ACOT7: variants seen among roughly 807,000 people sequenced by gnomAD.
ACOT7 encodes the protein cytosolic acyl coenzyme A thioester hydrolase.
A neutral mutation model predicts 40.2 loss-of-function variants in ACOT7; 12 were observed. The observed-to-expected ratio is 0.30, with a 90% CI of 0.19 to 0.48. The LOEUF (loss-of-function observed/expected upper bound fraction) is 0.48, where lower values mean the gene tolerates loss of function less well. Among genes scored for constraint, ACOT7 ranks in the 20% least tolerant of loss-of-function variants. The probability of loss-of-function intolerance (pLI) is 0.99; values close to 1 mark genes in which losing one functional copy is unlikely to be tolerated. For synonymous variants in ACOT7, 228 were observed against 219.5 expected (o/e 1.04, Z -0.34); for missense variants, 395 against 530.8 (o/e 0.74, Z 2.51).
intron 6 of ACOT7, among the ~76,000 whole-genome samples, chr1:6,295,739 G>A (rs570500497): frequency 6.6e-6 from 1 of 152,274 alleles, no homozygotes; most frequent in South Asian, 2.1e-4. Flanking sequence ...GGGGACAGAG[G>A]GTAGATTAGG....
In ACOT7 at chr1:6,355,460, G is replaced by A. The variant is rs1333960884; in HGVS notation, c.144-5594C>T. 6.6e-6 allele frequency among the ~76,000 whole-genome samples: 1 copy of A among 152,148 alleles called. No homozygotes were observed. Among genetic ancestry groups the A allele is most frequent in the East Asian group, 1.9e-4 (1 of 5,190 alleles). On this transcript the variant is annotated intron_variant, in intron 1 of 8. Coordinates refer to ENST00000361521, the MANE Select transcript of ACOT7 (RefSeq NM_007274.4). The surrounding 1 kb of genome is among the most constrained non-coding windows in gnomAD (Gnocchi z 5.0). ...ATTGCTCAGCCTTGCACGAGGAGGAGGAACCTTCTCAGAGACCAGCTGTCA... is the reference window on the plus strand; with the variant it reads ...ATTGCTCAGCCTTGCACGAGGAGGAAGAACCTTCTCAGAGACCAGCTGTCA...
rs952818966 is a variant in ACOT7, at chr1:6,287,236, G to A, written c.830-5950C>T. Among the ~76,000 whole-genome samples the A allele has an allele frequency of 6.6e-5, 10 of 152,212 alleles. No individual in the cohort carries two copies. In the South Asian group the frequency reaches 1.5e-3, roughly 22 times the overall value. On this transcript the variant is annotated intron_variant, in intron 7 of 8. Transcript: ENST00000361521. ...GGGTCAAGCTTCATCACTCACACTC[G>A]AGGCCCTGACGGGGCGGATGCCAGG...
intron 2 of ACOT7, among the ~76,000 whole-genome samples, 156 bp downstream of exon 2, chr1:6,349,593 C>T (rs58484986): frequency 6.6e-6 from 1 of 152,204 alleles, no homozygotes; most frequent in East Asian, 1.9e-4. Context: ...TCTGAGGGTC[C>T]GGTGCAGAAA....
At chr1:6,376,723 AT>A (rs1321808993) in intron 1 of ACOT7, among the ~76,000 whole-genome samples, 3 of 128,926 alleles carry the variant, frequency 2.3e-5, no homozygotes, top group African/African-American at 6.6e-5. Flanking sequence ...GTAAAACTCC[AT>A]CCCAAAAAAA....
At chr1:6,303,908 G>A (rs1453909326) in intron 6 of ACOT7, among the ~76,000 whole-genome samples, 1 of 152,180 alleles carries the variant, frequency 6.6e-6, no homozygotes, top group Non-Finnish European at 1.5e-5. Context: ...AGAGTCTGAA[G>A]CAGGGAAGGG....
In ACOT7 at chr1:6,294,419, T is replaced by G. The variant is rs917639699; in HGVS notation, c.829+445A>C. ...AAACCACCCAATGCCAGTGCTGCCC[T>G]GGGTGGCGTGGGCAGGGCTGGCCGA... is the stretch of plus-strand genomic sequence containing the variant. On this transcript the variant is annotated intron_variant, in intron 7 of 8. Transcript: ENST00000361521. The surrounding 1 kb of genome is among the most constrained non-coding windows in gnomAD (Gnocchi z 4.6). Among the ~76,000 whole-genome samples the G allele has an allele frequency of 6.6e-6, 1 of 152,226 alleles. No homozygotes were observed. The highest frequency in any genetic ancestry group is 1.5e-5 in the Non-Finnish European group (1 of 68,048).
At chr1:6,321,763 A>ACTGGGATGACATCCCC (rs1432471287) in intron 5 of ACOT7, among the ~76,000 whole-genome samples, 1 of 152,070 alleles carries the variant, frequency 6.6e-6, no homozygotes, top group African/African-American at 2.4e-5. Flanking sequence ...CAGCCTCCCA[A>ACTGGGATGACATCCCC]AGTGCTGGGA....
At chr1:6,268,550 C>T (rs932125645) in intron 8 of ACOT7, among the ~76,000 whole-genome samples, 4 of 152,218 alleles carry the variant, frequency 2.6e-5, no homozygotes, top group Admixed American at 6.5e-5. Context: ...CTGAGGGAGC[C>T]GTCTGGGCTG....
chr1:6,279,894 C>T (rs112713237), intron 8 of ACOT7, among the ~76,000 whole-genome samples: 1,543 of 152,272 alleles, frequency 0.01, 22 homozygotes, highest in African/African-American at 0.036. Context: ...TGGGGCGACT[C>T]GGCGGCCCTC....
intron 5 of ACOT7, among the ~76,000 whole-genome samples, chr1:6,323,769 T>TATATAG (rs1640725549): frequency 7.9e-6 from 1 of 127,152 alleles, no homozygotes; most frequent in Non-Finnish European, 1.7e-5. Flanking sequence ...TATATATATA[T>TATATAG]AGACAAATTA....
Position 6,264,383 on chromosome 1 carries a change from C to CA in ACOT7, c.*213dup. On this transcript the variant is annotated 3_prime_UTR_variant, in exon 9 of 9. Coordinates refer to ENST00000361521, the MANE Select transcript of ACOT7 (RefSeq NM_007274.4). ...CAACGCCTCCCGGCGCTCGGGACAA[C>CA]ACTGTGTAGCATTGATACTGGAATG... is the stretch of plus-strand genomic sequence containing the variant. 1 of 570,164 alleles carries CA rather than the reference C, an allele frequency of 1.8e-6. No individual in the cohort carries two copies. The highest frequency in any genetic ancestry group is 2.3e-5 in the South Asian group (1 of 44,328). 35.3% of individuals were successfully genotyped at this position (570,164 alleles called of 1,614,324 possible). A position where few individuals can be genotyped will look rare whatever the true frequency, so the allele number is the denominator to read the frequency against.
In ACOT7 at chr1:6,282,766, G is replaced by C. The variant is rs1639392136; in HGVS notation, c.830-1480C>G. 1 of 1,304,172 alleles carries C rather than the reference G, an allele frequency of 7.7e-7. No individual in the cohort carries two copies. Among genetic ancestry groups the C allele is most frequent in the Non-Finnish European group, 1.0e-6 (1 of 988,976 alleles). The allele number at this position is 1,304,172 out of a possible 1,614,324, so 80.8% of individuals were successfully genotyped here. ...AGTGCTGGGAGAGGAGGAAGGAGCT[G>C]TGTGGTCAGCGCCAGCAGGCATTAC... On this transcript the variant is annotated intron_variant, in intron 7 of 8. Transcript: ENST00000361521. This position sits in a 1 kb window ranked among gnomAD's most constrained non-coding sequence, Gnocchi z 4.5.
intron 7 of ACOT7, among the ~76,000 whole-genome samples, chr1:6,285,529 CATGTGCTGT>C (rs1639478095): frequency 6.6e-6 from 1 of 152,260 alleles, no homozygotes; most frequent in South Asian, 2.1e-4. Flanking sequence ...ATGGCGCAGC[CATGTGCTGT>C]CATTCCTCCC....
In ACOT7 at chr1:6,393,458, G is replaced by C. The variant is rs1401380508; in HGVS notation, c.-59C>G. 2 of 1,059,724 alleles carry C rather than the reference G, an allele frequency of 1.9e-6. No homozygotes were observed. The highest frequency in any genetic ancestry group is 9.1e-5 in the African/African-American group (2 of 21,934). 65.6% of individuals were successfully genotyped at this position (1,059,724 alleles called of 1,614,324 possible). ...GGTGAGGCGGGGCCTGCGCGCCGGG[G>C]GCAATCGAACGCGGCCTCCCCGCGC... On this transcript the variant is annotated 5_prime_UTR_variant, in exon 1 of 9. Transcript: ENST00000361521.
intron 7 of ACOT7, among the ~76,000 whole-genome samples, chr1:6,292,756 G>A (rs977696081): frequency 2.0e-5 from 3 of 149,694 alleles, no homozygotes; most frequent in Non-Finnish European, 4.4e-5. Context: ...ATCTTGGCTC[G>A]CTGCAACCTC....
chr1:6,306,175 C>T lies in ACOT7; in HGVS notation c.713-11195G>A, dbSNP rs1231171199. The T allele has an allele frequency of 1.1e-5, 10 of 877,468 alleles. No individual in the cohort carries two copies. The highest frequency in any genetic ancestry group is 2.2e-5 in the African/African-American group (1 of 45,694). The allele number at this position is 877,468 out of a possible 1,614,324, so 54.4% of individuals were successfully genotyped here. A position where few individuals can be genotyped will look rare whatever the true frequency, so the allele number is the denominator to read the frequency against. On this transcript the variant is annotated intron_variant, in intron 6 of 8. Transcript: ENST00000361521. This position sits in a 1 kb window ranked among gnomAD's most constrained non-coding sequence, Gnocchi z 4.3. ...CTTCGGCTCGGCATCAGAGGGAGAC[C>T]GTGGCAAGAGAGGGAGAGGGAGACC...
intron 1 of ACOT7, among the ~76,000 whole-genome samples, chr1:6,391,261 G>C (rs1474545881): frequency 6.6e-6 from 1 of 150,592 alleles, no homozygotes; most frequent in Non-Finnish European, 1.5e-5. Context: ...CACTTTGGGA[G>C]GCCGAGGAGG....
intron 1 of ACOT7, among the ~76,000 whole-genome samples, chr1:6,379,987 A>T (rs985236364): frequency 7.2e-5 from 11 of 151,726 alleles, no homozygotes; most frequent in African/African-American, 2.7e-4. Flanking sequence ...AATCACTTGA[A>T]CCCAGGAGGC....
chr1:6,270,510 G>C (rs1639000451), intron 8 of ACOT7, among the ~76,000 whole-genome samples: 2 of 152,202 alleles, frequency 1.3e-5, no homozygotes, highest in Non-Finnish European at 2.9e-5. Flanking sequence ...GGATGAGGTG[G>C]CAAAGGGCAG....
Sources: allele counts gnomAD v4.1 joint callset (sites outside exome capture counted in the v4.1 genomes callset), GRCh38; gene constraint gnomAD v4.1.1; non-coding constraint Gnocchi (gnomAD v3.1); transcripts MANE v1.5; gene names NCBI Gene and HGNC (gene_info 2026-07-23, HGNC 2026-07-21).